Variants in ARHGEF10 observed in about 807,000 individuals in gnomAD.
The protein encoded by ARHGEF10 is Rho guanine nucleotide exchange factor 10.
In ARHGEF10, 140 loss-of-function variants were observed where a neutral mutation model predicts 147.4. That is an observed-to-expected ratio of 0.95 (90% confidence interval 0.83 to 1.09). The LOEUF (loss-of-function observed/expected upper bound fraction) is 1.09. Among genes scored for constraint, ARHGEF10 ranks in the 50% least tolerant of loss-of-function variants. ARHGEF10 has a pLI of 0.00. For missense variants in ARHGEF10, 2,222 were observed against 1,752.7 expected, an observed-to-expected ratio of 1.27 and a Z score of -4.78; for synonymous variants, 902 against 695.8, an observed-to-expected ratio of 1.30 and a Z score of -4.67.
chr8:1,851,995 T>G, intron 2 of ARHGEF10, among the ~76,000 whole-genome samples: 2 of 151,650 alleles, frequency 1.3e-5, no homozygotes, highest in Non-Finnish European at 1.5e-5. Flanking sequence ...AGAGGGGCCC[T>G]GTGGGTGTGG....
At chr8:1,915,849 C>G (rs1298962555) in intron 18 of ARHGEF10, among the ~76,000 whole-genome samples, 1 of 152,246 alleles carries the variant, frequency 6.6e-6, no homozygotes, top group East Asian at 1.9e-4. Context: ...TGCCAAAATA[C>G]TCATTCTCAT....
At chr8:1,838,114 C>T (rs1005935750) in intron 1 of ARHGEF10, among the ~76,000 whole-genome samples, 4 of 152,154 alleles carry the variant, frequency 2.6e-5, no homozygotes. Context: ...CCTGGTGCAC[C>T]GTGGAAGGAA....
rs1192371472 is a variant in ARHGEF10, at chr8:1,945,601, C to T, written c.3343C>T (p.Leu1115Phe). The T allele has an allele frequency of 6.2e-7, 1 of 1,614,244 alleles. No homozygotes were observed. The stretch of plus-strand genomic sequence containing the variant: ...GCTCCGCCTTTTTCACACGGAAACT[C>T]TCAAGCACCTGCAGGACATCAACAT... Reference protein sequence around the residue: ...STLRLFHTETLKHLQDINIAT... With the variant: ...STLRLFHTETFKHLQDINIAT... The change falls in exon 27 of 29, where the codon CTC becomes TTC. Residue 1115 changes from leucine to phenylalanine, a missense_variant. Leu to Phe is a conservative substitution (Grantham distance 22). Transcript: ENST00000349830.
chr8:1,868,502 G>C (rs537983378), intron 6 of ARHGEF10, among the ~76,000 whole-genome samples: 3 of 152,336 alleles, frequency 2.0e-5, no homozygotes, highest in Admixed American at 1.3e-4. Context: ...CTCATTGTTG[G>C]TGTCCTGTGT....
At chr8:1,879,852 C>A (rs986381945) in intron 8 of ARHGEF10, among the ~76,000 whole-genome samples, 196 bp from the exon 9 acceptor site, 3 of 152,050 alleles carry the variant, frequency 2.0e-5, no homozygotes, top group Non-Finnish European at 4.4e-5. Context: ...TGCGCCCAGC[C>A]AACTATTTGT....
At chr8:1,836,049 C>T (rs1435048484) in intron 1 of ARHGEF10, among the ~76,000 whole-genome samples, 2 of 151,710 alleles carry the variant, frequency 1.3e-5, no homozygotes, top group African/African-American at 4.8e-5. Context: ...GGCGTGGTGG[C>T]AGGTGCCTGA....
chr8:1,954,880 A>T (rs562755353), intron 28 of ARHGEF10, among the ~76,000 whole-genome samples: 7 of 152,240 alleles, frequency 4.6e-5, no homozygotes, highest in Non-Finnish European at 7.3e-5. Flanking sequence ...TGCCACAGCT[A>T]TAGTGCTTTC....
intron 11 of ARHGEF10, among the ~76,000 whole-genome samples, chr8:1,888,291 T>G (rs1390356304): frequency 1.7e-5 from 1 of 59,216 alleles, no homozygotes; most frequent in African/African-American, 8.0e-5. Flanking sequence ...TGAGGAGGGG[T>G]GGGGTGAGGG....
At position 1,947,709 on chromosome 8, in the gene ARHGEF10, C is replaced by T. The variant is rs113014618; in HGVS notation, c.3397+2054C>T. On this transcript the variant is annotated intron_variant, in intron 27 of 28. Coordinates refer to ENST00000349830, the MANE Select transcript of ARHGEF10 (RefSeq NM_014629.4). ...GCATTCAGCACCCACCCTCTCATCC[C>T]AGCATCCCACCCACTGTCAGCACCC... 8.5e-3 allele frequency among the ~76,000 whole-genome samples: 1,254 copies of T among 148,074 alleles called. 5 individuals carry two copies. The highest frequency in any genetic ancestry group is 0.015 in the Non-Finnish European group (972 of 66,956).
chr8:1,896,262 C>A (rs1809961183), intron 13 of ARHGEF10, 71 bp from the exon 14 acceptor site: 2 of 1,004,664 alleles, frequency 2.0e-6, no homozygotes, highest in East Asian at 5.6e-5. Flanking sequence ...AGTTTCAAAT[C>A]TTCTGTTTTA....
intron 11 of ARHGEF10, among the ~76,000 whole-genome samples, chr8:1,885,933 C>G (rs1036926609): frequency 2.0e-5 from 3 of 152,130 alleles, no homozygotes; most frequent in African/African-American, 7.2e-5. Context: ...TCAGGCCCTT[C>G]TGGTCCTTAA....
At chr8:1,905,534 T>C (rs1810815272) in intron 16 of ARHGEF10, 37 bp from the exon 17 acceptor site, 2 of 1,613,958 alleles carry the variant, frequency 1.2e-6, no homozygotes, top group African/African-American at 2.7e-5. Flanking sequence ...CCGGGTAAAC[T>C]GAACTGTGGT....
intron 27 of ARHGEF10, among the ~76,000 whole-genome samples, chr8:1,951,205 C>T (rs932323202): frequency 1.8e-4 from 28 of 152,350 alleles, no homozygotes; most frequent in African/African-American, 6.0e-4. Flanking sequence ...ACTCCCTTTG[C>T]GGCTGCGCCC....
chr8:1,823,680 C>G (rs1464812930), upstream of ARHGEF10, among the ~76,000 whole-genome samples: 1 of 151,768 alleles, frequency 6.6e-6, no homozygotes, highest in Admixed American at 6.6e-5. Context: ...GGCCCGGGGT[C>G]CGCGGGGCAG....
At chr8:1,885,829 C>T in intron 11 of ARHGEF10, 122 bp downstream of exon 11, 2 of 800,120 alleles carry the variant, frequency 2.5e-6, no homozygotes, top group South Asian at 1.4e-5. Context: ...CCACTCGGGC[C>T]CTCCACTGTA....
intron 2 of ARHGEF10, among the ~76,000 whole-genome samples, chr8:1,854,416 G>T (rs187774428): frequency 4.6e-5 from 7 of 152,354 alleles, no homozygotes; most frequent in African/African-American, 1.7e-4. Flanking sequence ...TTGAGTTCTT[G>T]TAGAAAGGCT....
chr8:1,837,939 T>C (rs1001488995), intron 1 of ARHGEF10, among the ~76,000 whole-genome samples: 1 of 152,168 alleles, frequency 6.6e-6, no homozygotes, highest in African/African-American at 2.4e-5. Flanking sequence ...TCACAGGTGC[T>C]CTAGGTTTCC....
At chr8:1,888,142 CACTT>C (rs1808885071) in intron 11 of ARHGEF10, among the ~76,000 whole-genome samples, 2 of 95,916 alleles carry the variant, frequency 2.1e-5, no homozygotes, top group South Asian at 8.2e-4. Context: ...TGCGAGGAGA[CACTT>C]AGTGGGGCGA....
intron 14 of ARHGEF10, among the ~76,000 whole-genome samples, chr8:1,897,244 C>T (rs534071994): frequency 2.6e-5 from 4 of 152,374 alleles, no homozygotes; most frequent in African/African-American, 9.6e-5. Context: ...GTCATTGAAG[C>T]TGGAATTTTT....
Sources: gnomAD v4.1 joint callset for allele counts (sites outside exome capture counted in the v4.1 genomes callset) on GRCh38, gnomAD v4.1.1 for gene constraint, MANE v1.5 for transcripts, NCBI Gene and HGNC (gene_info 2026-07-23, HGNC 2026-07-21) for gene names.